The following NFIA variants were observed in gnomAD, a reference collection of about 807,000 sequenced individuals.
NFIA encodes the protein nuclear factor 1 A-type.
In NFIA, 8 loss-of-function variants were observed where a neutral mutation model predicts 62.8. The ratio of observed to expected loss-of-function variants is 0.13; its 90% confidence interval spans 0.07 to 0.23. The LOEUF (loss-of-function observed/expected upper bound fraction) is 0.23. Ranked by LOEUF, NFIA falls within the 10% of genes least tolerant of loss-of-function variation. NFIA has a pLI of 1.00. For missense variants in NFIA, 410 were observed against 642.1 expected, an observed-to-expected ratio of 0.64 and a Z score of 3.91; for synonymous variants, 235 against 238.1, an observed-to-expected ratio of 0.99 and a Z score of 0.12.
chr1:61,189,601 G>C lies in NFIA; in HGVS notation c.560-87919G>C, dbSNP rs184343583. Reference sequence around the variant, plus strand: ...AATTGCTTGAAACTGGGAGGCGGAAGTTGCAGTGAGCCGAGATCGGGCCAC... The same window carrying C: ...AATTGCTTGAAACTGGGAGGCGGAACTTGCAGTGAGCCGAGATCGGGCCAC... On this transcript the variant is annotated intron_variant, in intron 2 of 10. Coordinates refer to ENST00000403491, the MANE Select transcript of NFIA (RefSeq NM_001134673.4). Among the ~76,000 whole-genome samples the C allele has an allele frequency of 1.2e-4, 19 of 152,196 alleles. 1 individual carries two copies. Among genetic ancestry groups the C allele is most frequent in the African/African-American group, 4.1e-4 (17 of 41,524 alleles).
chr1:61,240,140 A>G (rs1655257007), intron 2 of NFIA, among the ~76,000 whole-genome samples: 1 of 152,258 alleles, frequency 6.6e-6, no homozygotes, highest in Non-Finnish European at 1.5e-5. Flanking sequence ...TTCACTCTGT[A>G]TAGTATTAAG....
chr1:61,346,879 TC>T (rs1662255783), intron 4 of NFIA, among the ~76,000 whole-genome samples: 1 of 152,146 alleles, frequency 6.6e-6, no homozygotes, highest in Non-Finnish European at 1.5e-5. Flanking sequence ...AGGCACCTCT[TC>T]ACAGGGCAGC....
At chr1:61,295,521 A>C (rs868313920) in intron 3 of NFIA, among the ~76,000 whole-genome samples, 32 of 152,158 alleles carry the variant, frequency 2.1e-4, no homozygotes, top group African/African-American at 7.2e-4. Context: ...TGAAAGGAAG[A>C]GTGTGGTCGT....
At chr1:61,112,655 A>G (rs1243222857) in intron 2 of NFIA, among the ~76,000 whole-genome samples, 1 of 152,214 alleles carries the variant, frequency 6.6e-6, no homozygotes, top group Non-Finnish European at 1.5e-5. Context: ...TTACTGTTTA[A>G]TGGCCACCCA....
chr1:61,088,614 C>T lies in NFIA; in HGVS notation c.493C>T (p.Pro165Ser). ...CTCTAATCCAGGGCTCTGTGTCCAACCCCATCACATAGGGGTTTCTGTTAA... is the reference window on the plus strand; with the variant it reads ...CTCTAATCCAGGGCTCTGTGTCCAATCCCATCACATAGGGGTTTCTGTTAA... ...QCSNPGLCVQPHHIGVSVKEL... is the reference protein window; with the variant it reads ...QCSNPGLCVQSHHIGVSVKEL... Residue 165 changes from proline (P) to serine (S), a missense_variant, in exon 2 of 11, where the codon CCC (proline) becomes TCC (serine). This residue lies in a region of NFIA where 298 missense variants were observed against 438.1 expected (regional missense o/e 0.68). Transcript: ENST00000403491. The surrounding 1 kb of genome is among the most constrained non-coding windows in gnomAD (Gnocchi z 4.5). 6.2e-7 allele frequency: 1 copy of T among 1,614,114 alleles called. No individual in the cohort carries two copies.
At chr1:61,284,192 G>T (rs1488459486) in intron 3 of NFIA, among the ~76,000 whole-genome samples, 4 of 152,096 alleles carry the variant, frequency 2.6e-5, no homozygotes, top group South Asian at 4.2e-4. Flanking sequence ...CCCAACTCAG[G>T]GAGACATTAA....
intron 2 of NFIA, among the ~76,000 whole-genome samples, chr1:61,227,941 TTTA>T (rs1305588225): frequency 6.6e-6 from 1 of 152,172 alleles, no homozygotes; most frequent in East Asian, 1.9e-4. Context: ...GACTGACCAA[TTTA>T]TTATTTTCTA....
chr1:61,422,982 C>T (rs1666702563), intron 9 of NFIA, among the ~76,000 whole-genome samples: 1 of 152,060 alleles, frequency 6.6e-6, no homozygotes, highest in Admixed American at 6.6e-5. Flanking sequence ...TTAGCAATGC[C>T]TACCATAAGG....
chr1:61,346,233 G>C (rs1489539315), intron 4 of NFIA, among the ~76,000 whole-genome samples: 1 of 152,206 alleles, frequency 6.6e-6, no homozygotes, highest in African/African-American at 2.4e-5. Context: ...CAGAAAGGCA[G>C]TGCTGTGCTT....
intron 2 of NFIA, among the ~76,000 whole-genome samples, chr1:61,177,916 G>A (rs1446102816): frequency 6.6e-6 from 1 of 152,142 alleles, no homozygotes. Flanking sequence ...CATTCTTAAT[G>A]AAGATCTATA....
chr1:61,122,666 G>C (rs1646906280), intron 2 of NFIA, among the ~76,000 whole-genome samples: 1 of 152,228 alleles, frequency 6.6e-6, no homozygotes, highest in Non-Finnish European at 1.5e-5. Context: ...AAATGGCAGA[G>C]TAATAGAATG....
chr1:61,398,230 T>C (rs563837095), intron 7 of NFIA, among the ~76,000 whole-genome samples: 9 of 152,356 alleles, frequency 5.9e-5, no homozygotes, highest in African/African-American at 2.2e-4. Context: ...CCATATAGCC[T>C]GCAAAGTCTA....
At chr1:61,285,569 CT>C (rs1336647478) in intron 3 of NFIA, among the ~76,000 whole-genome samples, 1 of 152,120 alleles carries the variant, frequency 6.6e-6, no homozygotes, top group Admixed American at 6.6e-5. Context: ...CTTCCTCATT[CT>C]TTTTCTCTTC....
chr1:61,441,471 CTT>C lies in NFIA; in HGVS notation c.1513-13830_1513-13829del, dbSNP rs200996176. 5.4e-3 allele frequency among the ~76,000 whole-genome samples: 823 copies of C among 152,260 alleles called. 13 individuals carry two copies. Among genetic ancestry groups the C allele is most frequent in the African/African-American group, 0.018 (760 of 41,556 alleles). The stretch of plus-strand genomic sequence containing the variant: ...TCCCATCTACCTTCACAGGCAAACA[CTT>C]TAAAGTGCTTCTACATGAGGCAGGT... On this transcript the variant is annotated intron_variant, in intron 10 of 10. Transcript: ENST00000403491.
At chr1:61,127,878 A>C (rs1159698795) in intron 2 of NFIA, among the ~76,000 whole-genome samples, 3 of 152,176 alleles carry the variant, frequency 2.0e-5, no homozygotes, top group African/African-American at 7.2e-5. Flanking sequence ...GGAACCTTTG[A>C]AAACAGATGT....
chr1:61,195,373 C>T (rs112551896), intron 2 of NFIA, among the ~76,000 whole-genome samples: 2,153 of 152,138 alleles, frequency 0.014, 68 homozygotes, highest in African/African-American at 0.049. Context: ...AAATGCAACC[C>T]AAGGAGCCGG....
chr1:61,083,914 C>A (rs1224134108), intron 1 of NFIA, among the ~76,000 whole-genome samples: 2 of 152,138 alleles, frequency 1.3e-5, no homozygotes, highest in African/African-American at 4.8e-5. Context: ...CCATTCCTCC[C>A]TTGTCTACCC....
chr1:61,350,438 C>T lies in NFIA; in HGVS notation c.701-2012C>T, dbSNP rs185019686. Among the ~76,000 whole-genome samples the T allele has an allele frequency of 2.6e-3, 400 of 152,236 alleles. 3 individuals are homozygous for T. The highest frequency in any genetic ancestry group is 9.2e-3 in the African/African-American group (383 of 41,520). On this transcript the variant is annotated intron_variant, in intron 4 of 10. Transcript: ENST00000403491. ...TTTAGACTGGAAGTTCAATACCAGC[C>T]TGGGCATTATGGTAAGGACCCATCT...
At chr1:61,215,863 T>G (rs1653583588) in intron 2 of NFIA, among the ~76,000 whole-genome samples, 1 of 152,238 alleles carries the variant, frequency 6.6e-6, no homozygotes, top group Non-Finnish European at 1.5e-5. Flanking sequence ...GAGGTCAGTC[T>G]GACCCAGTCA....
Sources: allele counts gnomAD v4.1 joint callset (sites outside exome capture counted in the v4.1 genomes callset), GRCh38; gene constraint gnomAD v4.1.1; regional missense constraint gnomAD v4.1.1; non-coding constraint Gnocchi (gnomAD v3.1); transcripts MANE v1.5; gene names NCBI Gene and HGNC (gene_info 2026-07-23, HGNC 2026-07-21).